Variants in CLRN1 observed in about 807,000 individuals in gnomAD.
CLRN1 encodes clarin-1.
A neutral mutation model predicts 18.7 loss-of-function variants in CLRN1; 15 were observed. That is an observed-to-expected ratio of 0.80 (90% CI 0.54 to 1.23). The LOEUF (loss-of-function observed/expected upper bound fraction) is 1.23. Ranked by LOEUF, CLRN1 falls within the 50% of genes most tolerant of loss-of-function variation. The pLI is 0.00. For missense variants in CLRN1, 311 were observed against 277.5 expected (o/e 1.12, Z -0.86); for synonymous variants, 104 against 102.9 (o/e 1.01, Z -0.07).
At chr3:150,934,729 T>C (rs1019093299) in intron 2 of CLRN1, among the ~76,000 whole-genome samples, 4 of 152,174 alleles carry the variant, frequency 2.6e-5, no homozygotes, top group African/African-American at 9.7e-5. Context: ...CTGCCGCAAC[T>C]AAAAACTATG....
intron 1 of CLRN1, among the ~76,000 whole-genome samples, chr3:150,971,365 C>T (rs900376707): frequency 2.6e-5 from 4 of 152,084 alleles, no homozygotes; most frequent in African/African-American, 9.7e-5. Context: ...CACTTAGTAA[C>T]CTATGTGAGC....
intron 1 of CLRN1, among the ~76,000 whole-genome samples, chr3:150,969,191 TA>T (rs1356286478): frequency 1.7e-4 from 26 of 150,240 alleles, no homozygotes; most frequent in African/African-American, 5.1e-4. Flanking sequence ...ATCTTGGGTT[TA>T]AAAAAATCAT....
intron 2 of CLRN1, among the ~76,000 whole-genome samples, chr3:150,928,997 G>T (rs1022658555): frequency 5.9e-5 from 9 of 152,188 alleles, no homozygotes; most frequent in African/African-American, 2.2e-4. Flanking sequence ...GACCAATGTG[G>T]CCCCAGAAAT....
intron 1 of CLRN1, among the ~76,000 whole-genome samples, chr3:150,957,196 A>G (rs1237232473): frequency 6.6e-6 from 1 of 151,462 alleles, no homozygotes; most frequent in Non-Finnish European, 1.5e-5. Flanking sequence ...CTACTGCTCT[A>G]TCTTCTTAGT....
In CLRN1 at chr3:150,945,398, G is replaced by A. The variant is rs1055075714; in HGVS notation, c.254-3637C>T. ...GGAGTAAGTAGTCATCTGTACAAATGCATGCCTCATGGCCACAACACTCTA... is the reference window on the plus strand; with the variant it reads ...GGAGTAAGTAGTCATCTGTACAAATACATGCCTCATGGCCACAACACTCTA... On this transcript the variant is annotated intron_variant, in intron 1 of 2. Coordinates refer to ENST00000327047, the MANE Select transcript of CLRN1 (RefSeq NM_174878.3). 1.4e-5 allele frequency: 10 copies of A among 698,190 alleles called. No homozygotes were observed. The African/African-American group carries it at 1.7e-4, about 12-fold the overall frequency. 43.2% of individuals were successfully genotyped at this position (698,190 alleles called of 1,614,324 possible).
intron 2 of CLRN1, among the ~76,000 whole-genome samples, chr3:150,935,059 C>A (rs946992820): frequency 4.0e-5 from 6 of 151,880 alleles, no homozygotes; most frequent in African/African-American, 1.5e-4. Flanking sequence ...CGTTTGCTGG[C>A]TTCTCCTCCT....
intron 1 of CLRN1, among the ~76,000 whole-genome samples, chr3:150,951,574 A>G (rs1341357129): frequency 6.6e-6 from 1 of 152,126 alleles, no homozygotes; most frequent in African/African-American, 2.4e-5. Flanking sequence ...CTGACCTCAA[A>G]TCATCTTCCT....
intron 1 of CLRN1, among the ~76,000 whole-genome samples, chr3:150,964,008 A>G (rs1216376549): frequency 3.3e-5 from 5 of 152,192 alleles, no homozygotes; most frequent in African/African-American, 1.2e-4. Flanking sequence ...GCGTGGGCAA[A>G]GACTTCATGA....
chr3:150,947,236 G>C (rs1714223761), intron 1 of CLRN1, among the ~76,000 whole-genome samples: 1 of 151,224 alleles, frequency 6.6e-6, no homozygotes, highest in African/African-American at 2.4e-5. Flanking sequence ...ACAGAAAACA[G>C]AAAAAAGCAG....
At chr3:150,937,952 GAC>G (rs1484257362) in intron 2 of CLRN1, among the ~76,000 whole-genome samples, 2 of 152,138 alleles carry the variant, frequency 1.3e-5, no homozygotes, top group Non-Finnish European at 2.9e-5. Context: ...GGTCCAGATA[GAC>G]AATTGGGAGG....
chr3:150,952,352 A>G (rs571248650), intron 1 of CLRN1, among the ~76,000 whole-genome samples: 53 of 152,336 alleles, frequency 3.5e-4, no homozygotes, highest in Non-Finnish European at 5.7e-4. Context: ...CACAAGGGCC[A>G]GCAACCGATA....
chr3:150,969,506 T>G (rs1223552923), intron 1 of CLRN1, among the ~76,000 whole-genome samples: 3 of 151,380 alleles, frequency 2.0e-5, no homozygotes, highest in East Asian at 3.9e-4. Context: ...TTTGTATTTT[T>G]AGTAGAGACG....
At chr3:150,949,780 C>T (rs60407147) in intron 1 of CLRN1, among the ~76,000 whole-genome samples, 33 of 152,104 alleles carry the variant, frequency 2.2e-4, no homozygotes, top group African/African-American at 3.4e-4. Flanking sequence ...AAATTACCAA[C>T]GACATTCTTC....
At chr3:150,960,163 T>A (rs1038485431) in intron 1 of CLRN1, among the ~76,000 whole-genome samples, 1 of 152,204 alleles carries the variant, frequency 6.6e-6, no homozygotes, top group Non-Finnish European at 1.5e-5. Flanking sequence ...TCAGCATAGA[T>A]GATAATAGAA....
intron 1 of CLRN1, chr3:150,945,426 C>A: frequency 9.4e-7 from 1 of 1,065,420 alleles, no homozygotes; most frequent in Non-Finnish European, 1.2e-6. Context: ...ACACTCTACT[C>A]CTGACCACAT....
At chr3:150,936,026 C>T (rs924218401) in intron 2 of CLRN1, among the ~76,000 whole-genome samples, 3 of 151,824 alleles carry the variant, frequency 2.0e-5, no homozygotes, top group Non-Finnish European at 4.4e-5. Flanking sequence ...TTTGAGTTCA[C>T]TGTAGATTCT....
At chr3:150,945,247 C>A (rs1016228418) in intron 1 of CLRN1, among the ~76,000 whole-genome samples, 1 of 152,190 alleles carries the variant, frequency 6.6e-6, no homozygotes, top group Non-Finnish European at 1.5e-5. Flanking sequence ...GGGGCTCCCC[C>A]ATGTCTACAA....
chr3:150,935,654 A>G (rs2107940162), intron 2 of CLRN1, among the ~76,000 whole-genome samples: 1 of 151,486 alleles, frequency 6.6e-6, no homozygotes, highest in East Asian at 1.9e-4. Flanking sequence ...CTTTGGGTAT[A>G]TACCCAGTAA....
chr3:150,969,938 C>T (rs560586443), intron 1 of CLRN1, among the ~76,000 whole-genome samples: 1 of 152,068 alleles, frequency 6.6e-6, no homozygotes, highest in Non-Finnish European at 1.5e-5. Context: ...AAACTGGCCA[C>T]GAAGTGATTG....
Sources: gnomAD v4.1 joint callset for allele counts (sites outside exome capture counted in the v4.1 genomes callset) on GRCh38, gnomAD v4.1.1 for gene constraint, MANE v1.5 for transcripts, NCBI Gene and HGNC (gene_info 2026-07-23, HGNC 2026-07-21) for gene names.